The following HTR7 variants were observed in gnomAD, a reference collection of about 807,000 sequenced individuals.
HTR7 encodes 5-hydroxytryptamine receptor 7, also known as 5-HT-7.
A neutral mutation model predicts 34.0 loss-of-function variants in HTR7; 16 were observed. That is an observed-to-expected ratio of 0.47 (90% CI 0.32 to 0.71). The LOEUF (loss-of-function observed/expected upper bound fraction) is 0.71, where lower values mean the gene tolerates loss of function less well. Among genes scored for constraint, HTR7 ranks in the 30% least tolerant of loss-of-function variants. HTR7 has a pLI of 0.04. For synonymous variants in HTR7, 265 were observed against 260.2 expected (o/e 1.02, Z -0.18); for missense variants, 504 against 625.5 (o/e 0.81, Z 2.07).
At chr10:90,778,234 C>G (rs1845249594) in intron 1 of HTR7, among the ~76,000 whole-genome samples, 1 of 152,170 alleles carries the variant, frequency 6.6e-6, no homozygotes, top group African/African-American at 2.4e-5. Context: ...ATTGAAAGGT[C>G]CGGCCTTTAA....
intron 1 of HTR7, among the ~76,000 whole-genome samples, chr10:90,780,291 T>A (rs983096671): frequency 1.3e-5 from 2 of 151,676 alleles, no homozygotes; most frequent in African/African-American, 4.9e-5. Flanking sequence ...ATCCCAGTAT[T>A]TTGGGAGGCC....
chr10:90,827,576 A>G (rs1392485410), intron 1 of HTR7, among the ~76,000 whole-genome samples: 2 of 152,246 alleles, frequency 1.3e-5, no homozygotes, highest in Non-Finnish European at 2.9e-5. Flanking sequence ...GAGGAAGAGT[A>G]GCTATACTTT....
intron 1 of HTR7, among the ~76,000 whole-genome samples, chr10:90,788,547 T>C (rs1349055087): frequency 6.6e-6 from 1 of 152,216 alleles, no homozygotes; most frequent in Non-Finnish European, 1.5e-5. Flanking sequence ...TGGTTATTCC[T>C]AATCCCTACA....
chr10:90,820,575 A>G (rs1253735618), intron 1 of HTR7, among the ~76,000 whole-genome samples: 2 of 152,216 alleles, frequency 1.3e-5, no homozygotes, highest in Non-Finnish European at 2.9e-5. Flanking sequence ...CAGGAAGAAG[A>G]TCCCAAGCAG....
chr10:90,844,146 T>C (rs1052444900), intron 1 of HTR7, among the ~76,000 whole-genome samples: 1 of 152,204 alleles, frequency 6.6e-6, no homozygotes, highest in African/African-American at 2.4e-5. Context: ...GGCCAGATCA[T>C]ATAATATTTT....
intron 2 of HTR7, among the ~76,000 whole-genome samples, chr10:90,744,690 A>G (rs1844607464): frequency 6.6e-6 from 1 of 152,144 alleles, no homozygotes; most frequent in African/African-American, 2.4e-5. Flanking sequence ...ACAACCAAAA[A>G]TCCCTCCAGA....
chr10:90,827,434 T>C (rs1846095764), intron 1 of HTR7, among the ~76,000 whole-genome samples: 1 of 152,118 alleles, frequency 6.6e-6, no homozygotes, highest in South Asian at 2.1e-4. Context: ...AGTGGCTGAA[T>C]GGATTTTTAA....
Position 90,749,098 on chromosome 10 carries a change from G to A in HTR7, c.1036C>T (p.Leu346Phe). The A allele has an allele frequency of 6.2e-7, 1 of 1,614,182 alleles. No individual in the cohort carries two copies. Among genetic ancestry groups the A allele is most frequent in the Non-Finnish European group, 8.5e-7 (1 of 1,180,028 alleles). Residue 346 changes from leucine (L) to phenylalanine (F), a missense_variant, in exon 2 of 4, where the codon CTC becomes TTC. This residue lies in a region of HTR7 where 154 missense variants were observed against 212.1 expected (regional missense o/e 0.73). Transcript: ENST00000336152. The surrounding 1 kb of genome is among the most constrained non-coding windows in gnomAD (Gnocchi z 4.2). Reference sequence around the variant, plus strand: ...CAGATGAAGGGTCTGGCTGTCGAGAGGAGGAAAAATGGCAGCCAGCACACG... The same window carrying A: ...CAGATGAAGGGTCTGGCTGTCGAGAAGAGGAAAAATGGCAGCCAGCACACG... Reference protein sequence around the residue: ...FTVCWLPFFLLSTARPFICGT... With the variant: ...FTVCWLPFFLFSTARPFICGT...
At chr10:90,787,469 G>T (rs149863888) in intron 1 of HTR7, among the ~76,000 whole-genome samples, 1 of 152,074 alleles carries the variant, frequency 6.6e-6, no homozygotes, top group East Asian at 1.9e-4. Flanking sequence ...TCCAGCCTGG[G>T]TTATGGAGCA....
chr10:90,823,509 T>G (rs982636771), intron 1 of HTR7, among the ~76,000 whole-genome samples: 1 of 152,220 alleles, frequency 6.6e-6, no homozygotes, highest in African/African-American at 2.4e-5. Context: ...TTCTTAATTT[T>G]ACAGGCTCAT....
At chr10:90,762,941 G>A (rs540989070) in intron 1 of HTR7, among the ~76,000 whole-genome samples, 8 of 152,240 alleles carry the variant, frequency 5.3e-5, no homozygotes, top group Non-Finnish European at 7.4e-5. Flanking sequence ...TAAGTTGACC[G>A]TGTATGTGGA....
intron 1 of HTR7, among the ~76,000 whole-genome samples, chr10:90,831,292 T>C (rs1846168935): frequency 6.6e-6 from 1 of 152,178 alleles, no homozygotes; most frequent in Non-Finnish European, 1.5e-5. Context: ...TGTTCGGCTG[T>C]GTTCGGAGTT....
chr10:90,803,725 C>T (rs1338555478), intron 1 of HTR7, among the ~76,000 whole-genome samples: 1 of 152,160 alleles, frequency 6.6e-6, no homozygotes, highest in African/African-American at 2.4e-5. Context: ...TGTCTGACTA[C>T]CTACCTACTG....
At chr10:90,790,671 C>T (rs1845448172) in intron 1 of HTR7, among the ~76,000 whole-genome samples, 1 of 152,134 alleles carries the variant, frequency 6.6e-6, no homozygotes, top group African/African-American at 2.4e-5. Flanking sequence ...TTTTGAGCTA[C>T]TGTTTCAGTT....
chr10:90,760,312 AAGG>A (rs1844915131), intron 1 of HTR7, among the ~76,000 whole-genome samples: 1 of 152,196 alleles, frequency 6.6e-6, no homozygotes, highest in Admixed American at 6.5e-5. Context: ...TAGGAGTAAA[AAGG>A]AGGACAGAGG....
intron 1 of HTR7, among the ~76,000 whole-genome samples, chr10:90,818,171 T>C (rs1366724008): frequency 6.6e-6 from 1 of 152,032 alleles, no homozygotes; most frequent in African/African-American, 2.4e-5. Flanking sequence ...AAATGGGAGG[T>C]GTTTGGGTCA....
intron 1 of HTR7, among the ~76,000 whole-genome samples, chr10:90,793,181 C>T (rs1383286880): frequency 1.3e-5 from 2 of 151,928 alleles, no homozygotes; most frequent in Non-Finnish European, 2.9e-5. Flanking sequence ...AGAATATATT[C>T]CGGATAAGAA....
intron 2 of HTR7, among the ~76,000 whole-genome samples, chr10:90,747,173 G>T (rs1250280465): frequency 2.0e-5 from 3 of 152,204 alleles, no homozygotes; most frequent in Non-Finnish European, 2.9e-5. Context: ...CACCTATTTT[G>T]CAGGTAGCAT....
chr10:90,742,258 G>T lies in HTR7; in HGVS notation c.*224C>A, dbSNP rs1589431336. ...GGTGTGCTTACTGCTGAGATGATCT[G>T]CTATCTTAAACTGAGAACACACAAT... On this transcript the variant is annotated 3_prime_UTR_variant, in exon 4 of 4. Coordinates refer to ENST00000336152, the MANE Select transcript of HTR7 (RefSeq NM_019859.4). 5.4e-6 allele frequency: 2 copies of T among 367,986 alleles called. No homozygotes were observed. Among genetic ancestry groups the T allele is most frequent in the East Asian group, 4.3e-5 (1 of 23,428 alleles). 22.8% of individuals were successfully genotyped at this position (367,986 alleles called of 1,614,324 possible). A position where few individuals can be genotyped will look rare whatever the true frequency, so the allele number is the denominator to read the frequency against.
Sources: allele counts gnomAD v4.1 joint callset (sites outside exome capture counted in the v4.1 genomes callset), GRCh38; gene constraint gnomAD v4.1.1; regional missense constraint gnomAD v4.1.1; non-coding constraint Gnocchi (gnomAD v3.1); transcripts MANE v1.5; gene names NCBI Gene and HGNC (gene_info 2026-07-23, HGNC 2026-07-21).